AGXT2: variants seen among roughly 807,000 people sequenced by gnomAD.
The protein encoded by AGXT2 is alanine--glyoxylate aminotransferase 2, also known as alanine--glyoxylate aminotransferase 2, mitochondrial.
In AGXT2, 61 loss-of-function variants were observed where a neutral mutation model predicts 62.5. That is an observed-to-expected ratio of 0.98 (90% CI 0.79 to 1.21). The LOEUF is 1.21. Among genes scored for constraint, AGXT2 ranks in the 50% most tolerant of loss-of-function variants. The pLI, the probability that AGXT2 is intolerant of heterozygous loss-of-function variation, is 0.00. For synonymous variants in AGXT2, 243 were observed against 218.7 expected, an observed-to-expected ratio of 1.11 and a Z score of -0.98; for missense variants, 666 against 641.5, an observed-to-expected ratio of 1.04 and a Z score of -0.41.
At chr5:35,020,810 A>G (rs1561221182) in intron 9 of AGXT2, among the ~76,000 whole-genome samples, 1 of 152,184 alleles carries the variant, frequency 6.6e-6, no homozygotes. Flanking sequence ...ACATGATTGT[A>G]TATCTAGAAA....
intron 2 of AGXT2, among the ~76,000 whole-genome samples, 188 bp from the exon 3 acceptor site, chr5:35,039,696 G>A (rs1580610461): frequency 1.3e-5 from 2 of 152,164 alleles, no homozygotes; most frequent in Admixed American, 1.3e-4. Flanking sequence ...TTAAGGAGGT[G>A]AATTATTATT....
intron 9 of AGXT2, among the ~76,000 whole-genome samples, chr5:35,019,874 A>G (rs1766999631): frequency 6.6e-6 from 1 of 152,220 alleles, no homozygotes; most frequent in South Asian, 2.1e-4. Flanking sequence ...GATGCAATAA[A>G]AAATGATAAA....
rs762091646 is a variant in AGXT2 at position 35,012,984 on chromosome 5, C to G, written c.1158G>C (p.Met386Ile). 32 of 1,551,728 alleles carry G rather than the reference C, an allele frequency of 2.1e-5. No individual in the cohort carries two copies. In the South Asian group the frequency reaches 3.7e-4, roughly 18 times the overall value. ...GCACAGCAGATCCAATGGCACAGGCCATGGGGTTCCCTCCAAAGGTGTTGA... is the reference window on the plus strand; with the variant it reads ...GCACAGCAGATCCAATGGCACAGGCGATGGGGTTCCCTCCAAAGGTGTTGA... ...QHFNTFGGNP[M>I]ACAIGSAVLE... Residue 386 changes from methionine to isoleucine, a missense_variant, in exon 11 of 14, where the codon ATG (methionine) becomes ATC (isoleucine). Met to Ile is a conservative substitution (Grantham distance 10, BLOSUM62 1). Transcript: ENST00000231420.
chr5:35,012,731 G>A, intron 11 of AGXT2: 1 of 552,014 alleles, frequency 1.8e-6, no homozygotes, highest in Non-Finnish European at 3.3e-6. Context: ...ATGTATGTGA[G>A]GTTTATTATA....
intron 8 of AGXT2, chr5:35,026,068 C>G: frequency 1.6e-6 from 1 of 609,580 alleles, no homozygotes; most frequent in South Asian, 2.0e-5. Context: ...TGATTATTTT[C>G]TGAGATTAGA....
rs73088777 is a variant in AGXT2, at chr5:35,035,299, G to C, written c.504C>G (p.Asn168Lys). ...PEPLKVIFLVNSGSEANELAM... is the reference protein window; with the variant it reads ...PEPLKVIFLVKSGSEANELAM... ...CCAGCTCATTGGCTTCTGAGCCACTGTTCACCAAGAAAATGACCTGGAGAG... is the reference window on the plus strand; with the variant it reads ...CCAGCTCATTGGCTTCTGAGCCACTCTTCACCAAGAAAATGACCTGGAGAG... Residue 168 changes from asparagine (N) to lysine (K), a missense_variant, in exon 5 of 14, where the codon AAC becomes AAG. Coordinates refer to ENST00000231420, the MANE Select transcript of AGXT2 (RefSeq NM_031900.4). 2 of 1,613,802 alleles carry C rather than the reference G, an allele frequency of 1.2e-6. No homozygotes were observed. The highest frequency in any genetic ancestry group is 2.7e-5 in the African/African-American group (2 of 74,894).
intron 9 of AGXT2, among the ~76,000 whole-genome samples, chr5:35,024,870 T>G (rs565377658): frequency 1.3e-5 from 2 of 152,156 alleles, no homozygotes; most frequent in South Asian, 4.2e-4. Context: ...CTCGGGAGGC[T>G]GAGGCAGGAG....
chr5:35,011,197 T>C (rs923978848), intron 11 of AGXT2, among the ~76,000 whole-genome samples: 2 of 152,184 alleles, frequency 1.3e-5, no homozygotes, highest in African/African-American at 4.8e-5. Context: ...TGTCAGCTCA[T>C]GCTTGTAATA....
intron 4 of AGXT2, among the ~76,000 whole-genome samples, chr5:35,035,682 A>G (rs1036927338): frequency 5.9e-5 from 9 of 152,202 alleles, no homozygotes; most frequent in African/African-American, 2.2e-4. Context: ...ACTCTAACCC[A>G]GTCACCTGAT....
At chr5:35,035,817 C>T (rs1023074147) in intron 4 of AGXT2, among the ~76,000 whole-genome samples, 1 of 152,178 alleles carries the variant, frequency 6.6e-6, no homozygotes, top group East Asian at 1.9e-4. Flanking sequence ...TGGCTCACGC[C>T]TGTAATCCCA....
At chr5:35,045,294 C>G (rs1311576913) in intron 1 of AGXT2, among the ~76,000 whole-genome samples, 1 of 152,136 alleles carries the variant, frequency 6.6e-6, no homozygotes, top group Non-Finnish European at 1.5e-5. Context: ...TAAAACAACA[C>G]TTAAAACGTG....
rs61052930 is a variant in AGXT2, at chr5:35,014,452, C to CAA, written c.964-335_964-334dup. On this transcript the variant is annotated intron_variant, in intron 9 of 13. Transcript: ENST00000231420. The stretch of plus-strand genomic sequence containing the variant: ...TGAGTGACAGGGTGAGACTCCATCT[C>CAA]AAAAAAAAAAAAAAAAAAAAGAAAT... 7.2e-3 allele frequency among the ~76,000 whole-genome samples: 616 copies of CAA among 85,952 alleles called. 18 individuals are homozygous for CAA. Among genetic ancestry groups the CAA allele is most frequent in the African/African-American group, 0.014 (306 of 21,736 alleles). The allele number at this position is 85,952 out of a possible 152,430, so 56.4% of individuals were successfully genotyped here. A position where few individuals can be genotyped will look rare whatever the true frequency, so the allele number is the denominator to read the frequency against.
chr5:35,035,991 C>T (rs1354295003), intron 4 of AGXT2, among the ~76,000 whole-genome samples: 5 of 151,956 alleles, frequency 3.3e-5, no homozygotes, highest in African/African-American at 9.7e-5. Flanking sequence ...GCAGGAGAAT[C>T]ACTTGAACCC....
intron 4 of AGXT2, among the ~76,000 whole-genome samples, chr5:35,036,476 T>C (rs1767772363): frequency 6.6e-6 from 1 of 152,220 alleles, no homozygotes. Context: ...AATATCTAAG[T>C]GTAATTTGGA....
intron 1 of AGXT2, among the ~76,000 whole-genome samples, chr5:35,044,480 C>T (rs553233724): frequency 6.6e-6 from 1 of 152,294 alleles, no homozygotes; most frequent in South Asian, 2.1e-4. Flanking sequence ...GCTCTGGGTG[C>T]AAGGATGATG....
chr5:35,037,125 C>A (rs72734512), intron 3 of AGXT2, 60 bp from the exon 4 acceptor site: 371,291 of 1,609,786 alleles, frequency 0.23, 46,396 homozygotes, highest in Non-Finnish European at 0.26. Flanking sequence ...CTGCACACAC[C>A]CTGGTCATTG....
At chr5:35,029,400 C>G (rs779625545) in intron 7 of AGXT2, among the ~76,000 whole-genome samples, 1 of 152,224 alleles carries the variant, frequency 6.6e-6, no homozygotes, top group Non-Finnish European at 1.5e-5. Context: ...TATGCTAGAC[C>G]TTTCATGACT....
intron 11 of AGXT2, 49 bp downstream of exon 11, chr5:35,012,905 A>C: frequency 6.7e-7 from 1 of 1,498,300 alleles, no homozygotes; most frequent in African/African-American, 1.4e-5. Flanking sequence ...GTGGTTTTGA[A>C]AGAGTCATTT....
chr5:35,044,595 G>A (rs1172925877), intron 1 of AGXT2, among the ~76,000 whole-genome samples: 1 of 152,184 alleles, frequency 6.6e-6, no homozygotes, highest in Non-Finnish European at 1.5e-5. Flanking sequence ...TTCTTTGCGT[G>A]TGGGGTCCTG....
Sources: gnomAD v4.1 joint callset for allele counts (sites outside exome capture counted in the v4.1 genomes callset) on GRCh38, gnomAD v4.1.1 for gene constraint, MANE v1.5 for transcripts, NCBI Gene and HGNC (gene_info 2026-07-23, HGNC 2026-07-21) for gene names.